EBNA1BP2: variants seen among roughly 807,000 people sequenced by gnomAD.
EBNA1BP2 encodes the protein probable rRNA-processing protein EBP2.
Under a neutral mutation model 43.5 loss-of-function variants are expected in EBNA1BP2, and 36 were observed. That is an observed-to-expected ratio of 0.83 (90% CI 0.63 to 1.09). EBNA1BP2 has a LOEUF of 1.09. EBNA1BP2 is among the 50% of genes least tolerant of loss of function. EBNA1BP2 has a pLI of 0.00. For synonymous variants in EBNA1BP2, 127 were observed against 141.3 expected, an observed-to-expected ratio of 0.90 and a Z score of 0.72; for missense variants, 332 against 379.1, an observed-to-expected ratio of 0.88 and a Z score of 1.03.
At position 43,172,218 on chromosome 1, in the gene EBNA1BP2, G is replaced by C; in HGVS notation, c.-100C>G. 2 of 1,583,256 alleles carry C rather than the reference G, an allele frequency of 1.3e-6. No homozygotes were observed. The highest frequency in any genetic ancestry group is 2.3e-5 in the East Asian group (1 of 43,106). On this transcript the variant is annotated 5_prime_UTR_variant, in exon 1 of 9. Transcript: ENST00000236051. ...CCCTGGCCGCTGCTGCCTGCCTTCA[G>C]CCCCCTACTCCCACGCCGTGGCTCC...
At chr1:43,170,560 G>GA (rs1380797624) in intron 4 of EBNA1BP2, among the ~76,000 whole-genome samples, 196 bp downstream of exon 4, 11 of 152,064 alleles carry the variant, frequency 7.2e-5, no homozygotes, top group Non-Finnish European at 1.2e-4. Context: ...GCTGATTTTA[G>GA]AAAAAATGTC....
chr1:43,171,496 G>T lies in EBNA1BP2; in HGVS notation c.306C>A (p.Phe102Leu). Residue 102 changes from phenylalanine (F) to leucine (L), a missense_variant, in exon 3 of 9, where the codon TTC becomes TTA. Phe to Leu is a conservative substitution (Grantham distance 22). Transcript: ENST00000236051. ...DQKAVDPEDD[F>L]QREMSFYRQA... ...AAACATACAAACTCATCTCTCGCTG[G>T]AAGTCGTCTTCTGGATCAACAGCTT... 3.1e-6 allele frequency: 5 copies of T among 1,609,176 alleles called. No homozygotes were observed. Among genetic ancestry groups the T allele is most frequent in the Non-Finnish European group, 3.4e-6 (4 of 1,178,340 alleles).
intron 4 of EBNA1BP2, among the ~76,000 whole-genome samples, chr1:43,169,742 G>A (rs1027045322): frequency 3.3e-5 from 5 of 152,078 alleles, no homozygotes; most frequent in Admixed American, 1.3e-4. Context: ...AGACCGCTAC[G>A]AACCCACTAT....
intron 4 of EBNA1BP2, among the ~76,000 whole-genome samples, chr1:43,169,777 G>C (rs912566702): frequency 6.6e-6 from 1 of 152,148 alleles, no homozygotes; most frequent in Admixed American, 6.5e-5. Flanking sequence ...TTAGGAACCA[G>C]GCCGCACAGC....
At position 43,164,498 on chromosome 1, in the gene EBNA1BP2, A is replaced by G; in HGVS notation, c.871-5T>C. The G allele has an allele frequency of 6.2e-7, 1 of 1,614,148 alleles. No homozygotes were observed. Among genetic ancestry groups the G allele is most frequent in the Non-Finnish European group, 8.5e-7 (1 of 1,180,034 alleles). On this transcript the variant is annotated splice_polypyrimidine_tract_variant and splice_region_variant and intron_variant, in intron 8 of 8. Transcript: ENST00000236051. ...TGTTCGTTTTCCAGGTCTCTTCTAC[A>G]GAAAAAGACATACCACATCTGGTCA...
chr1:43,164,926 G>A, intron 7 of EBNA1BP2, 121 bp from the exon 8 acceptor site: 1 of 1,246,238 alleles, frequency 8.0e-7, no homozygotes, highest in Non-Finnish European at 1.1e-6. Flanking sequence ...CTGTAACCCA[G>A]AATCTCATCC....
intron 3 of EBNA1BP2, 133 bp downstream of exon 3, chr1:43,171,346 G>T: frequency 8.9e-7 from 1 of 1,121,854 alleles, no homozygotes; most frequent in Non-Finnish European, 1.2e-6. Context: ...GAATCTCCTA[G>T]CTATTCTTAG....
At chr1:43,164,585 T>A in intron 8 of EBNA1BP2, 58 bp downstream of exon 8, 1 of 1,613,844 alleles carries the variant, frequency 6.2e-7, no homozygotes. Flanking sequence ...GAGGGCAGGG[T>A]TGGGAGTGGG....
rs377506436 is a variant in EBNA1BP2 at position 43,171,981 on chromosome 1, A to C, written c.67-12T>G. On this transcript the variant is annotated splice_polypyrimidine_tract_variant and intron_variant, in intron 1 of 8. Coordinates refer to ENST00000236051, the MANE Select transcript of EBNA1BP2 (RefSeq NM_006824.3). ...AACGCATCCTGCAACTGCAGGACAC[A>C]ATCACGGTCACTCCCAGGGGTGTAA... 43 of 1,614,018 alleles carry C rather than the reference A, an allele frequency of 2.7e-5. No individual in the cohort carries two copies. In the Middle Eastern group the frequency reaches 6.6e-4, roughly 25 times the overall value.
chr1:43,166,927 T>C lies in EBNA1BP2; in HGVS notation c.614-8A>G. On this transcript the variant is annotated splice_polypyrimidine_tract_variant and splice_region_variant and intron_variant, in intron 6 of 8. Coordinates refer to ENST00000236051, the MANE Select transcript of EBNA1BP2 (RefSeq NM_006824.3). ...CCAGTTTATCAGAGAAGCCTGTAAG[T>C]GAAGAAGTAGTTTTGATCAGCACCA... 1.2e-6 allele frequency: 2 copies of C among 1,611,254 alleles called. No individual in the cohort carries two copies. Among genetic ancestry groups the C allele is most frequent in the Non-Finnish European group, 8.5e-7 (1 of 1,179,104 alleles).
intron 7 of EBNA1BP2, among the ~76,000 whole-genome samples, chr1:43,165,271 A>G (rs745492476): frequency 6.6e-6 from 1 of 152,238 alleles, no homozygotes; most frequent in Non-Finnish European, 1.5e-5. Flanking sequence ...TTCAAATGGA[A>G]TAACATTCAA....
At position 43,164,509 on chromosome 1, in the gene EBNA1BP2, T is replaced by C. The variant is rs1358237199; in HGVS notation, c.871-16A>G. 2 of 1,614,176 alleles carry C rather than the reference T, an allele frequency of 1.2e-6. No homozygotes were observed. The highest frequency in any genetic ancestry group is 1.7e-5 in the Admixed American group (1 of 60,026). On this transcript the variant is annotated splice_polypyrimidine_tract_variant and intron_variant, in intron 8 of 8. Coordinates refer to ENST00000236051, the MANE Select transcript of EBNA1BP2 (RefSeq NM_006824.3). ...CAGGTCTCTTCTACAGAAAAAGACA[T>C]ACCACATCTGGTCACATAGCAGCTT...
At chr1:43,164,594 G>A in intron 8 of EBNA1BP2, 49 bp downstream of exon 8, 1 of 1,613,778 alleles carries the variant, frequency 6.2e-7, no homozygotes, top group Non-Finnish European at 8.5e-7. Context: ...GTTGGGAGTG[G>A]GAGGGGAGGC....
At chr1:43,170,646 C>T (rs1644952532) in intron 4 of EBNA1BP2, 110 bp downstream of exon 4, 6 of 1,471,046 alleles carry the variant, frequency 4.1e-6, no homozygotes, top group Non-Finnish European at 5.4e-6. Flanking sequence ...TAATAATTGT[C>T]CTCTGACAAC....
chr1:43,166,083 A>G (rs1051832025), intron 7 of EBNA1BP2, among the ~76,000 whole-genome samples: 2 of 152,224 alleles, frequency 1.3e-5, no homozygotes, highest in African/African-American at 4.8e-5. Context: ...AAAAACAATG[A>G]GAGCCCACAT....
chr1:43,165,090 A>G (rs1297172457), intron 7 of EBNA1BP2, among the ~76,000 whole-genome samples: 1 of 152,168 alleles, frequency 6.6e-6, no homozygotes, highest in Admixed American at 6.5e-5. Context: ...AAAGCTTTCT[A>G]TTTTAACCAA....
chr1:43,172,373 A>G (rs371337441), upstream of EBNA1BP2: 207 of 1,551,466 alleles, frequency 1.3e-4, no homozygotes, highest in African/African-American at 2.4e-3. Flanking sequence ...CGGCGTTTGA[A>G]AGTGTCCGGG....
In EBNA1BP2 at chr1:43,172,172, C is replaced by A. The variant is rs1445804031; in HGVS notation, c.-54G>T. 1 of 1,612,102 alleles carries A rather than the reference C, an allele frequency of 6.2e-7. No homozygotes were observed. Among genetic ancestry groups the A allele is most frequent in the East Asian group, 2.2e-5 (1 of 44,778 alleles). The stretch of plus-strand genomic sequence containing the variant: ...GGAAGAAACGGGGTATCCCGAGACC[C>A]AAGCGGCTAGCAGAGGGCGGCCCTG... On this transcript the variant is annotated 5_prime_UTR_variant, in exon 1 of 9. Coordinates refer to ENST00000236051, the MANE Select transcript of EBNA1BP2 (RefSeq NM_006824.3).
Position 43,166,806 on chromosome 1 carries a change from C to A in EBNA1BP2, c.707+20G>T. On this transcript the variant is annotated intron_variant, in intron 7 of 8. Transcript: ENST00000236051. ...TCGCACCTCACAGAACCAAAGAAACCATGCCAAAACCCTTCTCACCCCTTC... is the reference window on the plus strand; with the variant it reads ...TCGCACCTCACAGAACCAAAGAAACAATGCCAAAACCCTTCTCACCCCTTC... The A allele has an allele frequency of 1.9e-6, 3 of 1,597,632 alleles. No individual in the cohort carries two copies. In the Admixed American group the frequency reaches 5.6e-5, roughly 30 times the overall value.
Sources: allele counts gnomAD v4.1 joint callset (sites outside exome capture counted in the v4.1 genomes callset), GRCh38; gene constraint gnomAD v4.1.1; transcripts MANE v1.5; gene names NCBI Gene and HGNC (gene_info 2026-07-23, HGNC 2026-07-21).